Variants in RTN4 observed in about 807,000 individuals in gnomAD.
RTN4 encodes reticulon-4.
Under a neutral mutation model 90.4 loss-of-function variants are expected in RTN4, and 32 were observed. That is an observed-to-expected ratio of 0.35 (90% CI 0.27 to 0.48). RTN4 has a LOEUF of 0.48. RTN4 is among the 20% of genes least tolerant of loss of function. The pLI is 0.99. For missense variants in RTN4, 1,706 were observed against 1,430.2 expected (o/e 1.19, Z -3.11); for synonymous variants, 629 against 552.5 (o/e 1.14, Z -1.94).
chr2:55,062,012 A>G (rs374065123), intron 2 of RTN4, among the ~76,000 whole-genome samples: 6 of 151,126 alleles, frequency 4.0e-5, no homozygotes, highest in African/African-American at 1.5e-4. Flanking sequence ...TCGAGAGGAC[A>G]TCAAGAGCAC....
At chr2:55,024,834 C>T (rs1681698836) in intron 3 of RTN4, among the ~76,000 whole-genome samples, 1 of 151,954 alleles carries the variant, frequency 6.6e-6, no homozygotes, top group African/African-American at 2.4e-5. Flanking sequence ...TTCTTATAAA[C>T]AAAAATATTT....
chr2:55,036,402 G>A (rs1170980513), intron 1 of RTN4, among the ~76,000 whole-genome samples: 1 of 151,864 alleles, frequency 6.6e-6, no homozygotes, highest in Non-Finnish European at 1.5e-5. Context: ...AAGAGTTTGA[G>A]ACCAGCCTGG....
the RTN4 span, among the ~76,000 whole-genome samples, chr2:55,118,776 C>T: frequency 6.6e-6 from 1 of 152,188 alleles, no homozygotes; most frequent in African/African-American, 2.4e-5. Context: ...AGACTGCTCT[C>T]TAATGCAGAT....
the RTN4 span, among the ~76,000 whole-genome samples, chr2:55,126,060 CAAAAAAA>C: frequency 1.6e-5 from 1 of 62,456 alleles, no homozygotes; most frequent in Admixed American, 1.6e-4. Context: ...GACTCCGTCT[CAAAAAAA>C]AAAAAAAAAA....
the RTN4 span, among the ~76,000 whole-genome samples, chr2:55,130,607 C>G: frequency 6.6e-6 from 1 of 152,078 alleles, no homozygotes; most frequent in Non-Finnish European, 1.5e-5. Flanking sequence ...AAAAATTAGC[C>G]AGGCATGGTG....
chr2:55,008,047 A>G (rs922545124), intron 3 of RTN4, among the ~76,000 whole-genome samples: 1 of 152,066 alleles, frequency 6.6e-6, no homozygotes, highest in African/African-American at 2.4e-5. Context: ...AAGTATCCTA[A>G]ACAGAAAATA....
At chr2:55,068,772 A>G (rs2968829) in intron 2 of RTN4, among the ~76,000 whole-genome samples, 101,941 of 151,780 alleles carry the variant, frequency 0.67, 36,875 homozygotes, top group East Asian at 0.92. Flanking sequence ...GTATGCAGCA[A>G]CAATGCTTTC....
chr2:55,006,798 CT>C (rs1680259352), intron 3 of RTN4, among the ~76,000 whole-genome samples: 1 of 152,134 alleles, frequency 6.6e-6, no homozygotes, highest in Non-Finnish European at 1.5e-5. Flanking sequence ...CTTGAAAATT[CT>C]TTCCCCCCTT....
chr2:55,110,124 C>T (rs533462753), intron 1 of RTN4, among the ~76,000 whole-genome samples: 3 of 152,110 alleles, frequency 2.0e-5, no homozygotes, highest in Admixed American at 6.5e-5. Context: ...GCCTGGGCAA[C>T]ATGGTGAAAC....
intron 1 of RTN4, chr2:55,049,425 A>C: frequency 3.5e-5 from 13 of 370,242 alleles, no homozygotes; most frequent in East Asian, 5.8e-5. Context: ...GCTCTCGGGT[A>C]TATACCCGGC....
chr2:55,031,704 A>C (rs1682329636), intron 1 of RTN4, among the ~76,000 whole-genome samples: 1 of 152,238 alleles, frequency 6.6e-6, no homozygotes, highest in Non-Finnish European at 1.5e-5. Context: ...ACCATGGCTC[A>C]TGAGCCCATA....
At chr2:55,031,431 A>T (rs1682307522) in intron 1 of RTN4, among the ~76,000 whole-genome samples, 1 of 152,220 alleles carries the variant, frequency 6.6e-6, no homozygotes, top group Non-Finnish European at 1.5e-5. Context: ...AGCCTCACAG[A>T]AAAGGAGCTC....
At position 55,096,792 on chromosome 2, in the gene RTN4, G is replaced by T. The variant is rs544394167; in HGVS notation, c.-214+15728C>A. Among the ~76,000 whole-genome samples the T allele has an allele frequency of 1.6e-3, 237 of 151,258 alleles. 1 individual carries two copies. The highest frequency in any genetic ancestry group is 5.5e-3 in the African/African-American group (226 of 40,766). On this transcript the variant is annotated intron_variant, in intron 1 of 3. Coordinates refer to the RTN4 transcript ENST00000427710. ...CTGCTCATTCTGTCATGCTGCAGCA[G>T]TTACTGTTTATTAAGCTTCTGTCCT...
At chr2:55,134,666 G>T in the RTN4 span, among the ~76,000 whole-genome samples, 14 of 152,290 alleles carry the variant, frequency 9.2e-5, no homozygotes, top group African/African-American at 3.1e-4. Context: ...GAAGCGGGAG[G>T]TGGGAGCTTA....
Position 54,973,159 on chromosome 2 carries a change from T to A in RTN4, c.3576A>T (p.Glu1192Asp). The change falls in exon 9 of 9, where the codon GAA becomes GAT. Residue 1192 changes from glutamate to aspartate, a missense_variant. Physicochemically the swap from Glu to Asp is conservative, Grantham distance 45. Transcript: ENST00000337526. Reference sequence around the variant, plus strand: ...CTACTAATTATTTTGGGCGTTTTCATTCAGCTTTGCGCTTCAATCCAGGGA... The same window carrying A: ...CTACTAATTATTTTGGGCGTTTTCAATCAGCTTTGCGCTTCAATCCAGGGA... ...AKIPGLKRKA[E>D] 1 of 1,603,838 alleles carries A rather than the reference T, an allele frequency of 6.2e-7. No homozygotes were observed. The highest frequency in any genetic ancestry group is 8.5e-7 in the Non-Finnish European group (1 of 1,171,578).
At chr2:54,995,878 T>C (rs545509090) in intron 3 of RTN4, among the ~76,000 whole-genome samples, 3 of 152,224 alleles carry the variant, frequency 2.0e-5, no homozygotes, top group Admixed American at 6.5e-5. Flanking sequence ...CAGCAAGGAA[T>C]TGTTTTTTTT....
the RTN4 span, among the ~76,000 whole-genome samples, chr2:55,132,354 T>C: frequency 4.6e-5 from 7 of 151,668 alleles, no homozygotes; most frequent in South Asian, 1.5e-3. Context: ...AATACAAAAA[T>C]TAGCCGGGTG....
Position 55,049,954 on chromosome 2 carries a change from G to A in RTN4, c.347C>T (p.Thr116Ile). The A allele has an allele frequency of 7.3e-7, 1 of 1,362,522 alleles. No homozygotes were observed. The highest frequency in any genetic ancestry group is 9.4e-7 in the Non-Finnish European group (1 of 1,064,934). The allele number at this position is 1,362,522 out of a possible 1,614,324, so 84.4% of individuals were successfully genotyped here. A position where few individuals can be genotyped will look rare whatever the true frequency, so the allele number is the denominator to read the frequency against. Residue 116 changes from threonine to isoleucine, a missense_variant, in exon 1 of 9, where the codon ACC becomes ATC. By Grantham distance (89) the Thr-to-Ile change is moderately conservative. Coordinates refer to ENST00000337526, the MANE Select transcript of RTN4 (RefSeq NM_020532.5). Reference sequence around the variant, plus strand: ...AGACAGCGGGGATGGCGCGGGCACGGTCGACGACACCGGGCTCGGGTCCCA... The same window carrying A: ...AGACAGCGGGGATGGCGCGGGCACGATCGACGACACCGGGCTCGGGTCCCA... ...PSWDPSPVSS[T>I]VPAPSPLSAA...
intron 3 of RTN4, among the ~76,000 whole-genome samples, chr2:55,019,257 G>A (rs765799771): frequency 3.9e-5 from 6 of 152,114 alleles, no homozygotes; most frequent in East Asian, 1.9e-4. Context: ...AAAAATGTAC[G>A]GGGAGTACTG....
Sources: gnomAD v4.1 joint callset for allele counts (sites outside exome capture counted in the v4.1 genomes callset) on GRCh38, gnomAD v4.1.1 for gene constraint, MANE v1.5 for transcripts, NCBI Gene and HGNC (gene_info 2026-07-23, HGNC 2026-07-21) for gene names.